Variants in UNC5B observed in about 807,000 individuals in gnomAD.
UNC5B encodes unc-5 netrin receptor B, also known as netrin receptor UNC5B.
In UNC5B, 56 loss-of-function variants were observed where a neutral mutation model predicts 103.7. The ratio of observed to expected loss-of-function variants is 0.54; its 90% CI spans 0.44 to 0.67. The LOEUF is 0.67. UNC5B is among the 30% of genes least tolerant of loss of function. UNC5B has a pLI of 0.00. For synonymous variants in UNC5B, 577 were observed against 542.0 expected, an observed-to-expected ratio of 1.06 and a Z score of -0.90; for missense variants, 1,194 against 1,284.5, an observed-to-expected ratio of 0.93 and a Z score of 1.08.
chr10:71,227,166 G>A (rs1843582139), intron 1 of UNC5B, among the ~76,000 whole-genome samples: 1 of 152,018 alleles, frequency 6.6e-6, no homozygotes, highest in African/African-American at 2.4e-5. Flanking sequence ...TGTATTTTTA[G>A]TAGAGACGGG....
intron 1 of UNC5B, among the ~76,000 whole-genome samples, chr10:71,260,946 CT>C (rs1844405007): frequency 6.6e-6 from 1 of 152,242 alleles, no homozygotes; most frequent in Non-Finnish European, 1.5e-5. Context: ...CTGAGCAAGA[CT>C]GCTCCCCCGC....
rs904772091 is a variant in UNC5B at position 71,288,877 on chromosome 10, A to T, written c.1067-81A>T. ...GTCCCCCCACCACATCCATCATCTC[A>T]TCTCATCCTTCCCATTGCCTTCTCT... On this transcript the variant is annotated intron_variant, in intron 7 of 16. Transcript: ENST00000335350. The T allele has an allele frequency of 9.7e-6, 15 of 1,548,670 alleles. No individual in the cohort carries two copies. In the Admixed American group the frequency reaches 2.4e-4, roughly 24 times the overall value.
chr10:71,290,890 T>G, intron 8 of UNC5B, 25 bp from the exon 9 acceptor site: 1 of 1,598,208 alleles, frequency 6.3e-7, no homozygotes, highest in Non-Finnish European at 8.5e-7. Context: ...CTGCTGCCCC[T>G]TATGTGGTCC....
chr10:71,240,574 G>A (rs10999741), intron 1 of UNC5B, among the ~76,000 whole-genome samples: 30,466 of 152,206 alleles, frequency 0.2, 3,730 homozygotes, highest in Non-Finnish European at 0.28. Flanking sequence ...GCCTCCCAAG[G>A]GGCCCTCACG....
In UNC5B at chr10:71,302,109, T is replaced by TGCCTGCCTCC. The variant is rs550981012; in HGVS notation, c.*2833_*2834insCCTGCCTCCG. 5,336 of 152,364 alleles carry TGCCTGCCTCC rather than the reference T, an allele frequency of 0.035. 123 individuals carry two copies. The highest frequency in any genetic ancestry group is 0.078 in the Middle Eastern group (23 of 294). The allele number at this position is 152,364 out of a possible 1,614,324, so 9.4% of individuals were successfully genotyped here. On this transcript the variant is annotated 3_prime_UTR_variant, in exon 17 of 17. Transcript: ENST00000335350. ...AGGCTTTGCCGACTCCATCCGTCTG[T>TGCCTGCCTCC]GGAGGCTGCCTGCCTCCGGGGTGGG... is the stretch of plus-strand genomic sequence containing the variant.
At chr10:71,275,001 C>G (rs1844735787) in intron 1 of UNC5B, among the ~76,000 whole-genome samples, 1 of 152,228 alleles carries the variant, frequency 6.6e-6, no homozygotes, top group Non-Finnish European at 1.5e-5. Context: ...CCAACCTCCT[C>G]ATTTTACAGA....
At chr10:71,274,903 A>G (rs1844732792) in intron 1 of UNC5B, among the ~76,000 whole-genome samples, 1 of 152,234 alleles carries the variant, frequency 6.6e-6, no homozygotes, top group Non-Finnish European at 1.5e-5. Context: ...ACTCAACAGG[A>G]CATTTTCACA....
chr10:71,285,215 C>T, intron 3 of UNC5B, 111 bp from the exon 4 acceptor site: 1 of 1,125,920 alleles, frequency 8.9e-7, no homozygotes, highest in Non-Finnish European at 1.3e-6. Context: ...GCCAGGTGGG[C>T]CCATCAACAG....
At chr10:71,217,363 G>A (rs983106259) in intron 1 of UNC5B, 2 of 152,320 alleles carry the variant, frequency 1.3e-5, no homozygotes, top group African/African-American at 4.8e-5. Flanking sequence ...GGTTGGGACT[G>A]GGGCGCCACC....
At chr10:71,215,102 A>G (rs1224459186) in intron 1 of UNC5B, among the ~76,000 whole-genome samples, 1 of 152,156 alleles carries the variant, frequency 6.6e-6, no homozygotes, top group African/African-American at 2.4e-5. Context: ...CCTCCCACAC[A>G]ATCTTGTTTT....
In UNC5B at chr10:71,299,265, C is replaced by T. The variant is rs777109860; in HGVS notation, c.2826C>T (p.Asp942=). Residue 942 remains aspartate, a synonymous_variant, in exon 17 of 17, where the codon GAC becomes GAT. Coordinates refer to ENST00000335350, the MANE Select transcript of UNC5B (RefSeq NM_170744.5). ...AGATGCTGGTGGCTGTGGCCACCGA[C>T]GGGGACTGCTGAGCCTCCTGGGACA... is the stretch of plus-strand genomic sequence containing the variant. ...KSEMLVAVAT[D]GDC 4.1e-5 allele frequency: 66 copies of T among 1,613,886 alleles called. No individual in the cohort carries two copies. The highest frequency in any genetic ancestry group is 1.5e-4 in the South Asian group (14 of 91,084).
In UNC5B at chr10:71,284,716, C is replaced by G; in HGVS notation, c.305-4C>G. 2 of 1,613,500 alleles carry G rather than the reference C, an allele frequency of 1.2e-6. No individual in the cohort carries two copies. The highest frequency in any genetic ancestry group is 4.5e-5 in the East Asian group (2 of 44,878). ...CCCCTGACGGCTCTCTCTTCTCCTC[C>G]CAGGCCTGCGGGTGCGCGAGGTGCA... On this transcript the variant is annotated splice_region_variant and splice_polypyrimidine_tract_variant and intron_variant, in intron 2 of 16. Coordinates refer to ENST00000335350, the MANE Select transcript of UNC5B (RefSeq NM_170744.5).
chr10:71,237,734 G>A (rs2132256106), intron 1 of UNC5B, among the ~76,000 whole-genome samples: 1 of 152,344 alleles, frequency 6.6e-6, no homozygotes, highest in South Asian at 2.1e-4. Context: ...GAAGGAGGTA[G>A]TTTTACTGGG....
intron 15 of UNC5B, 63 bp from the exon 16 acceptor site, chr10:71,297,846 G>C (rs1180717477): frequency 3.3e-6 from 5 of 1,525,362 alleles, no homozygotes; most frequent in Non-Finnish European, 4.4e-6. Context: ...TCCAAGGGGA[G>C]GGAGGCTGGA....
At chr10:71,214,259 C>G (rs182928751) in intron 1 of UNC5B, among the ~76,000 whole-genome samples, 4 of 152,314 alleles carry the variant, frequency 2.6e-5, no homozygotes, top group East Asian at 1.9e-4. Flanking sequence ...GCCCTTCCCC[C>G]CTCCATAGCC....
Position 71,213,728 on chromosome 10 carries a change from A to AGT in UNC5B, c.79+697_79+698dup, listed in dbSNP as rs58235566. On this transcript the variant is annotated intron_variant, in intron 1 of 16. Transcript: ENST00000335350. This position sits in a 1 kb window ranked among gnomAD's most constrained non-coding sequence, Gnocchi z 4.1. Reference sequence around the variant, plus strand: ...ATTATTAATTTTCTGAGTGTTGGAGAGTGTGTGTGTGTGTGTGTGTGTGTG... The same window carrying AGT: ...ATTATTAATTTTCTGAGTGTTGGAGAGTGTGTGTGTGTGTGTGTGTGTGTGTG... 0.1 allele frequency among the ~76,000 whole-genome samples: 13,412 copies of AGT among 131,350 alleles called. 689 individuals carry two copies. Among genetic ancestry groups the AGT allele is most frequent in the East Asian group, 0.14 (623 of 4,470 alleles). 86.2% of individuals were successfully genotyped at this position (131,350 alleles called of 152,430 possible).
At chr10:71,237,377 T>G (rs565142640) in intron 1 of UNC5B, among the ~76,000 whole-genome samples, 1 of 152,182 alleles carries the variant, frequency 6.6e-6, no homozygotes, top group Non-Finnish European at 1.5e-5. Flanking sequence ...AACGTCTCCA[T>G]GAGGTTTAAA....
At chr10:71,297,595 T>G (rs2132318375) in intron 15 of UNC5B, among the ~76,000 whole-genome samples, 1 of 152,378 alleles carries the variant, frequency 6.6e-6, no homozygotes, top group Middle Eastern at 3.4e-3. Flanking sequence ...ACTTTCCACC[T>G]GTACAAGAGG....
chr10:71,259,312 C>T (rs1844361299), intron 1 of UNC5B, among the ~76,000 whole-genome samples: 1 of 151,564 alleles, frequency 6.6e-6, no homozygotes, highest in African/African-American at 2.4e-5. Flanking sequence ...TCATTTGAAC[C>T]CGGGAGGCAG....
Sources: allele counts gnomAD v4.1 joint callset (sites outside exome capture counted in the v4.1 genomes callset), GRCh38; gene constraint gnomAD v4.1.1; non-coding constraint Gnocchi (gnomAD v3.1); transcripts MANE v1.5; gene names NCBI Gene and HGNC (gene_info 2026-07-23, HGNC 2026-07-21).